Variants in CSMD1 observed in about 807,000 individuals in gnomAD.
CSMD1 encodes CUB and sushi domain-containing protein 1.
In CSMD1, 213 loss-of-function variants were observed where a neutral mutation model predicts 417.5. The observed-to-expected ratio is 0.51, with a 90% confidence interval of 0.46 to 0.57. The LOEUF (loss-of-function observed/expected upper bound fraction) is 0.57. CSMD1 is among the 20% of genes least tolerant of loss of function. CSMD1 has a pLI of 0.00. For synonymous variants in CSMD1, 2,862 were observed against 1,736.8 expected, an observed-to-expected ratio of 1.65 and a Z score of -16.11; for missense variants, 6,923 against 4,529.7, an observed-to-expected ratio of 1.53 and a Z score of -15.17.
intron 7 of CSMD1, among the ~76,000 whole-genome samples, chr8:3,667,517 G>A (rs118039553): frequency 0.015 from 2,329 of 152,188 alleles, 41 homozygotes; most frequent in Non-Finnish European, 0.02. Context: ...TAGGGGATGG[G>A]AGCTGTTGGG....
At chr8:4,419,232 T>C (rs1359111924) in intron 3 of CSMD1, among the ~76,000 whole-genome samples, 2 of 152,196 alleles carry the variant, frequency 1.3e-5, no homozygotes, top group East Asian at 1.9e-4. Flanking sequence ...ACAGTAGCTC[T>C]TGTATTACGT....
At chr8:3,471,918 A>G (rs960972589) in intron 11 of CSMD1, among the ~76,000 whole-genome samples, 4 of 152,136 alleles carry the variant, frequency 2.6e-5, no homozygotes, top group Non-Finnish European at 5.9e-5. Context: ...CACTTGGTTC[A>G]CATGCAAAAC....
At chr8:3,098,857 C>A (rs942022849) in intron 46 of CSMD1, among the ~76,000 whole-genome samples, 2 of 152,042 alleles carry the variant, frequency 1.3e-5, no homozygotes, top group Non-Finnish European at 1.5e-5. Flanking sequence ...ATAGCTCCCC[C>A]TCAGGGTTTT....
intron 3 of CSMD1, among the ~76,000 whole-genome samples, chr8:4,077,411 A>T (rs1412451315): frequency 6.6e-6 from 1 of 150,958 alleles, no homozygotes; most frequent in African/African-American, 2.4e-5. Flanking sequence ...TAAGCTCTTA[A>T]TAATTTTTAT....
chr8:4,059,487 A>C (rs1305297330), intron 3 of CSMD1, among the ~76,000 whole-genome samples: 9 of 152,226 alleles, frequency 5.9e-5, no homozygotes, highest in East Asian at 3.9e-4. Flanking sequence ...CCCTTCAAAA[A>C]ATTAATGAAT....
chr8:3,336,412 T>C (rs1807266175), intron 23 of CSMD1, among the ~76,000 whole-genome samples: 1 of 152,186 alleles, frequency 6.6e-6, no homozygotes, highest in African/African-American at 2.4e-5. Flanking sequence ...AAGAAAAACA[T>C]ACTTAAATTC....
intron 1 of CSMD1, among the ~76,000 whole-genome samples, chr8:4,859,228 A>G: frequency 6.6e-6 from 1 of 151,962 alleles, no homozygotes; most frequent in Non-Finnish European, 1.5e-5. Flanking sequence ...GAAAGCTGAA[A>G]CTGGATCCCT....
intron 3 of CSMD1, among the ~76,000 whole-genome samples, chr8:4,206,787 G>C (rs1800006738): frequency 6.6e-6 from 1 of 152,122 alleles, no homozygotes. Context: ...AATGGTAGTT[G>C]ATTATATAAA....
Position 3,107,771 on chromosome 8 carries a change from G to A in CSMD1, c.6782C>T (p.Pro2261Leu). The A allele has an allele frequency of 2.5e-6, 4 of 1,586,838 alleles. No homozygotes were observed. The highest frequency in any genetic ancestry group is 3.4e-6 in the Non-Finnish European group (4 of 1,171,568). Residue 2261 changes from proline to leucine, a missense_variant, in exon 45 of 70, where the codon CCC (proline) becomes CTC (leucine). Coordinates refer to ENST00000635120, the MANE Select transcript of CSMD1 (RefSeq NM_033225.6). ...HAFQLKKCQP[P>L]PAVPQAEMLT... ...CATTTCTGCCTGTGGAACCGCTGGG[G>A]GAGGTTGACATTTCTTGAGCTGAAA...
chr8:4,124,352 A>ACGGATATGAATG (rs1475873537), intron 3 of CSMD1, among the ~76,000 whole-genome samples: 24 of 152,204 alleles, frequency 1.6e-4, no homozygotes, highest in Admixed American at 1.6e-3. Context: ...ACTTTTCTTT[A>ACGGATATGAATG]CGGATATGAA....
chr8:4,754,598 T>A (rs1202226389), intron 1 of CSMD1, among the ~76,000 whole-genome samples: 1 of 151,822 alleles, frequency 6.6e-6, no homozygotes, highest in East Asian at 1.9e-4. Flanking sequence ...ATGTCTGTAA[T>A]CCTAGAACTT....
intron 5 of CSMD1, among the ~76,000 whole-genome samples, chr8:3,981,982 T>G (rs1813905920): frequency 6.6e-6 from 1 of 151,920 alleles, no homozygotes; most frequent in East Asian, 1.9e-4. Flanking sequence ...CCATCCTGGC[T>G]AACACGGTGA....
At chr8:4,118,566 G>C (rs1299248888) in intron 3 of CSMD1, among the ~76,000 whole-genome samples, 4 of 152,142 alleles carry the variant, frequency 2.6e-5, no homozygotes, top group Non-Finnish European at 5.9e-5. Context: ...AGTAAAAATG[G>C]CGATCATGAA....
intron 1 of CSMD1, among the ~76,000 whole-genome samples, chr8:4,758,635 G>T (rs187240927): frequency 1.3e-5 from 2 of 152,266 alleles, no homozygotes; most frequent in African/African-American, 2.4e-5. Flanking sequence ...CCACATGGCT[G>T]GGGAGGCCTC....
chr8:4,051,564 G>C (rs909515426), intron 3 of CSMD1, among the ~76,000 whole-genome samples: 1 of 152,184 alleles, frequency 6.6e-6, no homozygotes, highest in African/African-American at 2.4e-5. Context: ...CAACAATCAA[G>C]CAAACCTCTG....
rs746219434 is a variant in CSMD1 at position 3,052,516 on chromosome 8, C to T, written c.7606G>A (p.Val2536Met). 2.3e-5 allele frequency: 37 copies of T among 1,600,754 alleles called. No homozygotes were observed. The highest frequency in any genetic ancestry group is 2.7e-5 in the African/African-American group (2 of 74,762). The change falls in exon 50 of 70, where the codon GTG (valine) becomes ATG (methionine). Residue 2536 changes from valine to methionine, a missense_variant. By Grantham distance (21) the Val-to-Met change is conservative. Coordinates refer to ENST00000635120, the MANE Select transcript of CSMD1 (RefSeq NM_033225.6). ...KLESSQQATAVCQEDGLWSNK... is the reference protein window; with the variant it reads ...KLESSQQATAMCQEDGLWSNK... ...CTCCACAACCCATCTTCTTGACACACGGCTGTTGCTTGCTGGCTGGATTCA... is the reference window on the plus strand; with the variant it reads ...CTCCACAACCCATCTTCTTGACACATGGCTGTTGCTTGCTGGCTGGATTCA...
chr8:3,992,900 G>A (rs1237905449), intron 5 of CSMD1, among the ~76,000 whole-genome samples: 1 of 152,232 alleles, frequency 6.6e-6, no homozygotes, highest in East Asian at 1.9e-4. Context: ...CTTTTCCAAA[G>A]CCATTTTTCT....
intron 1 of CSMD1, among the ~76,000 whole-genome samples, chr8:4,961,296 C>A (rs1273842377): frequency 6.6e-6 from 1 of 152,048 alleles, no homozygotes; most frequent in Admixed American, 6.6e-5. Flanking sequence ...AAAATGGATC[C>A]ATCCCATTAT....
intron 52 of CSMD1, among the ~76,000 whole-genome samples, chr8:3,008,901 G>A (rs1808168244): frequency 6.6e-6 from 1 of 152,152 alleles, no homozygotes; most frequent in South Asian, 2.1e-4. Context: ...CATAACGCAC[G>A]CAGAGTGAAC....
Sources: gnomAD v4.1 joint callset for allele counts (sites outside exome capture counted in the v4.1 genomes callset) on GRCh38, gnomAD v4.1.1 for gene constraint, MANE v1.5 for transcripts, NCBI Gene and HGNC (gene_info 2026-07-23, HGNC 2026-07-21) for gene names.